HAUS7: variants seen among roughly 807,000 people sequenced by gnomAD.
The protein encoded by HAUS7 is HAUS augmin like complex subunit 7.
HAUS7 carries 3 observed loss-of-function variants against 28.4 expected under a neutral mutation model. The ratio of observed to expected loss-of-function variants is 0.11; its 90% confidence interval spans 0.05 to 0.27. The LOEUF (loss-of-function observed/expected upper bound fraction) is 0.27. HAUS7 is among the 10% of genes least tolerant of loss of function. HAUS7 has a pLI of 1.00. For synonymous variants in HAUS7, 165 were observed against 132.1 expected, an observed-to-expected ratio of 1.25 and a Z score of -1.71; for missense variants, 284 against 297.3, an observed-to-expected ratio of 0.96 and a Z score of 0.33.
intron 2 of HAUS7, among the ~76,000 whole-genome samples, chrX:153,466,948 C>T (rs1452482279): frequency 8.9e-6 from 1 of 112,187 alleles, no homozygotes; most frequent in African/African-American, 3.2e-5. Flanking sequence ...TGAAACACTT[C>T]TGGCCCCCAG....
At chrX:153,464,925 C>A in intron 3 of HAUS7, 63 bp downstream of exon 3, 1 of 769,228 alleles carries the variant, frequency 1.3e-6, no homozygotes. Flanking sequence ...TCCAATGGAA[C>A]ATGCACCACC....
chrX:153,453,821 C>CT (rs11350425), intron 9 of HAUS7, among the ~76,000 whole-genome samples: 225 of 97,555 alleles, frequency 2.3e-3, no homozygotes, highest in African/African-American at 3.1e-3. Context: ...CCTTAAGTAA[C>CT]TTTTTTTTTT....
rs2089227597 is a variant in HAUS7 at position 153,450,620 on chromosome X, T to A, written c.1046-2711A>T. ...GTTTCTAAATACATTGATGTTTTCA[T>A]GGCAGTGAGGTTTCAGGAAGCCTGG... On this transcript the variant is annotated intron_variant, in intron 9 of 9. Transcript: ENST00000370211. Among the ~76,000 whole-genome samples, 7 of 112,660 alleles carry A rather than the reference T, an allele frequency of 6.2e-5. No homozygotes were observed. The South Asian group carries it at 2.5e-3, about 41-fold the overall frequency.
At chrX:153,466,852 T>C (rs1206091391) in intron 2 of HAUS7, among the ~76,000 whole-genome samples, 1 of 112,606 alleles carries the variant, frequency 8.9e-6, no homozygotes, top group Non-Finnish European at 1.9e-5. Context: ...AGATGCTCAC[T>C]GGAGCATTTG....
At chrX:153,493,627 C>T (rs1556990093) in intron 1 of HAUS7, among the ~76,000 whole-genome samples, 2 of 112,256 alleles carry the variant, frequency 1.8e-5, no homozygotes, top group African/African-American at 6.5e-5. Flanking sequence ...TCTCTTCTCC[C>T]TGGCCCAGTC....
chrX:153,473,460 G>A (rs1247595154), upstream of HAUS7, among the ~76,000 whole-genome samples: 2 of 113,296 alleles, frequency 1.8e-5, no homozygotes, highest in African/African-American at 6.4e-5. Flanking sequence ...GGGAACCTGG[G>A]GAGGAGCCTT....
At chrX:153,458,131 C>T (rs1042519379) in intron 4 of HAUS7, among the ~76,000 whole-genome samples, 1 of 113,170 alleles carries the variant, frequency 8.8e-6, no homozygotes, top group Non-Finnish European at 1.9e-5. Context: ...GTGTGGCAGG[C>T]GGGGGCAATG....
At chrX:153,464,705 G>A (rs1448148313) in intron 3 of HAUS7, among the ~76,000 whole-genome samples, 2 of 112,398 alleles carry the variant, frequency 1.8e-5, no homozygotes. Context: ...CACCTGTAGA[G>A]AGCGTGTCAC....
At chrX:153,449,768 G>C (rs1158889335) in intron 9 of HAUS7, among the ~76,000 whole-genome samples, 11 of 112,218 alleles carry the variant, frequency 9.8e-5, no homozygotes, top group Non-Finnish European at 1.7e-4. Context: ...CACCTCCTCC[G>C]GAGCCCTGCC....
upstream of HAUS7, among the ~76,000 whole-genome samples, chrX:153,472,542 G>A (rs1225877514): frequency 9.3e-6 from 1 of 107,873 alleles, no homozygotes; most frequent in African/African-American, 3.4e-5. Flanking sequence ...AGGCTGCTGG[G>A]CCTCTCAGGA....
In HAUS7 at chrX:153,462,646, C is replaced by T. The variant is rs1556983621; in HGVS notation, c.318G>A (p.Leu106=). 2 of 1,206,546 alleles carry T rather than the reference C, an allele frequency of 1.7e-6. No homozygotes were observed. The highest frequency in any genetic ancestry group is 2.2e-6 in the Non-Finnish European group (2 of 890,923). ...IQEMTKLGHE[L]MLCAPDDQEL... ...CCTGGTCATCTGGCGCACACAGCAT[C>T]AGCTCGTGGCCCAGCTTCGTCATTT... is the stretch of plus-strand genomic sequence containing the variant. Residue 106 remains leucine (L), a synonymous_variant, in exon 4 of 10, where the codon CTG becomes CTA. Transcript: ENST00000370211.
intron 1 of HAUS7, chrX:153,486,140 C>A: frequency 1.2e-6 from 1 of 845,467 alleles, no homozygotes; most frequent in Non-Finnish European, 1.5e-6. Context: ...CCGTCTCCAC[C>A]CCCGCACCCT....
intron 1 of HAUS7, among the ~76,000 whole-genome samples, chrX:153,475,922 C>G (rs1556986183): frequency 8.9e-6 from 1 of 112,406 alleles, no homozygotes; most frequent in Non-Finnish European, 1.9e-5. Flanking sequence ...CCCGCCTCCA[C>G]CCTTGGCCAG....
upstream of HAUS7, among the ~76,000 whole-genome samples, chrX:153,475,293 G>T (rs1556986064): frequency 8.9e-6 from 1 of 111,789 alleles, no homozygotes; most frequent in Non-Finnish European, 1.9e-5. Context: ...GCCACCCTCT[G>T]CAGTCCCCCT....
chrX:153,469,452 G>A (rs782360150), intron 1 of HAUS7, among the ~76,000 whole-genome samples, 191 bp from the exon 2 acceptor site: 10 of 112,240 alleles, frequency 8.9e-5, no homozygotes, highest in Non-Finnish European at 1.7e-4. Flanking sequence ...CAGCTCCCAG[G>A]GTAGCTGGGG....
chrX:153,453,565 CA>C (rs372612898), intron 9 of HAUS7, among the ~76,000 whole-genome samples: 110 of 95,479 alleles, frequency 1.2e-3, no homozygotes, highest in East Asian at 1.9e-3. Flanking sequence ...GCAGGGATAG[CA>C]AAAAAAAAAA....
At chrX:153,462,060 A>G in intron 4 of HAUS7, 1 of 844,811 alleles carries the variant, frequency 1.2e-6, no homozygotes, top group Non-Finnish European at 1.7e-6. Context: ...GGTCACGTGA[A>G]TAAATCTCTT....
chrX:153,481,986 C>G (rs1449188810), intron 1 of HAUS7: 1 of 588,032 alleles, frequency 1.7e-6, no homozygotes, highest in Non-Finnish European at 2.1e-6. Context: ...GCTGGCAGGT[C>G]CCAGGTGACC....
chrX:153,461,581 A>G, intron 4 of HAUS7: 1 of 115,414 alleles, frequency 8.7e-6, no homozygotes, highest in East Asian at 2.6e-4. Flanking sequence ...AAAGGACATG[A>G]ATATGGAAAT....
Sources: gnomAD v4.1 joint callset for allele counts (sites outside exome capture counted in the v4.1 genomes callset) on GRCh38, gnomAD v4.1.1 for gene constraint, MANE v1.5 for transcripts, NCBI Gene and HGNC (gene_info 2026-07-23, HGNC 2026-07-21) for gene names.